TNRC6B: variants seen among roughly 807,000 people sequenced by gnomAD.
The protein encoded by TNRC6B is trinucleotide repeat containing adaptor 6B.
TNRC6B carries 52 observed loss-of-function variants against 203.6 expected under a neutral mutation model. The ratio of observed to expected loss-of-function variants is 0.26; its 90% CI spans 0.20 to 0.32. TNRC6B has a LOEUF of 0.32. Ranked by LOEUF, TNRC6B falls within the 10% of genes least tolerant of loss-of-function variation. The probability of loss-of-function intolerance (pLI) is 1.00; values close to 1 mark genes in which losing one functional copy is unlikely to be tolerated. For missense variants in TNRC6B, 1,923 were observed against 2,286.2 expected (o/e 0.84, Z 3.24); for synonymous variants, 838 against 845.7 (o/e 0.99, Z 0.16).
intron 1 of TNRC6B, among the ~76,000 whole-genome samples, chr22:40,219,577 T>G (rs543750186): frequency 6.6e-6 from 1 of 152,296 alleles, no homozygotes; most frequent in African/African-American, 2.4e-5. Flanking sequence ...TCTTCCCTGC[T>G]GCCTTTGGCT....
Position 40,316,003 on chromosome 22 carries a change from C to T in TNRC6B, c.4965C>T (p.Leu1655=). 6.2e-7 allele frequency: 1 copy of T among 1,613,628 alleles called. No individual in the cohort carries two copies. The highest frequency in any genetic ancestry group is 8.5e-7 in the Non-Finnish European group (1 of 1,179,636). The change falls in exon 21 of 23, where the codon CTC becomes CTT. Residue 1655 remains leucine, a synonymous_variant. Transcript: ENST00000454349. The part of the protein sequence containing the change: ...RPSYWLVLHN[L]TPQIDGSTLR... ...GTTACTGGCTGGTTCTTCACAATCTCACCCCACAGGTAATTATGCTTTCTC... is the reference window on the plus strand; with the variant it reads ...GTTACTGGCTGGTTCTTCACAATCTTACCCCACAGGTAATTATGCTTTCTC...
intron 1 of TNRC6B, among the ~76,000 whole-genome samples, chr22:40,227,339 A>T (rs1294405379): frequency 7.1e-6 from 1 of 141,218 alleles, no homozygotes; most frequent in Non-Finnish European, 1.5e-5. Context: ...GTGAGCTACC[A>T]CACCTAGCCT....
At position 40,251,206 on chromosome 22, in the gene TNRC6B, A is replaced by G; in HGVS notation, c.115+6A>G. ...CACGGAACAAAAAACCAAAGGTAAG[A>G]TCTTTTTTTTCTTTTTAAATTATTT... On this transcript the variant is annotated splice_donor_region_variant and intron_variant, in intron 3 of 22. Transcript: ENST00000454349. The G allele has an allele frequency of 1.3e-6, 2 of 1,530,620 alleles. No homozygotes were observed. Among genetic ancestry groups the G allele is most frequent in the Non-Finnish European group, 1.8e-6 (2 of 1,135,036 alleles). The allele number at this position is 1,530,620 out of a possible 1,614,324, so 94.8% of individuals were successfully genotyped here. A position where few individuals can be genotyped will look rare whatever the true frequency, so the allele number is the denominator to read the frequency against.
chr22:40,255,753 G>A (rs1195944031), intron 3 of TNRC6B, among the ~76,000 whole-genome samples: 1 of 152,218 alleles, frequency 6.6e-6, no homozygotes, highest in African/African-American at 2.4e-5. Context: ...GGTCCATGGA[G>A]GTTGCTCTCT....
chr22:40,112,148 G>A (rs1271615824), intron 1 of TNRC6B, among the ~76,000 whole-genome samples: 1 of 152,078 alleles, frequency 6.6e-6, no homozygotes, highest in African/African-American at 2.4e-5. Context: ...GAGAAAGGGA[G>A]GTGTGGACTC....
intron 2 of TNRC6B, among the ~76,000 whole-genome samples, chr22:40,118,499 C>G (rs1032103209): frequency 6.6e-6 from 1 of 152,182 alleles, no homozygotes; most frequent in African/African-American, 2.4e-5. Context: ...CTCATTCCAG[C>G]ATAACACAGT....
chr22:40,045,912 G>C (rs2067683980), intron 1 of TNRC6B, among the ~76,000 whole-genome samples: 1 of 152,214 alleles, frequency 6.6e-6, no homozygotes, highest in Admixed American at 6.5e-5. Context: ...TGTTTTGGCT[G>C]TTTTATTACT....
chr22:40,310,760 G>A, intron 16 of TNRC6B, 57 bp from the exon 17 acceptor site: 2 of 1,503,114 alleles, frequency 1.3e-6, no homozygotes, highest in Non-Finnish European at 1.8e-6. Flanking sequence ...ATAAAAAATA[G>A]ACAAGTTCTA....
intron 1 of TNRC6B, chr22:40,106,545 A>C: frequency 4.1e-6 from 3 of 734,224 alleles, no homozygotes; most frequent in Non-Finnish European, 7.5e-6. Context: ...CGAGCAATCA[A>C]AGTGTTATCT....
intron 1 of TNRC6B, among the ~76,000 whole-genome samples, chr22:40,211,472 G>A (rs1365161996): frequency 2.0e-5 from 3 of 152,064 alleles, no homozygotes; most frequent in Non-Finnish European, 1.5e-5. Context: ...AACACCACCT[G>A]TATTGAGTAG....
intron 1 of TNRC6B, among the ~76,000 whole-genome samples, chr22:40,076,405 G>C (rs994118299): frequency 6.6e-6 from 1 of 152,094 alleles, no homozygotes; most frequent in African/African-American, 2.4e-5. Context: ...GTAGAGACCT[G>C]GTGGCAATTA....
intron 1 of TNRC6B, among the ~76,000 whole-genome samples, chr22:40,224,335 C>T: frequency 6.6e-6 from 1 of 152,142 alleles, no homozygotes; most frequent in South Asian, 2.1e-4. Flanking sequence ...ACTCTATTCC[C>T]TTATAGAGAA....
intron 1 of TNRC6B, among the ~76,000 whole-genome samples, chr22:40,047,483 A>G (rs113328877): frequency 3.9e-3 from 562 of 145,900 alleles, no homozygotes; most frequent in African/African-American, 0.014. Context: ...GGCGCCTGTA[A>G]TCCCAGCTAC....
At chr22:40,183,248 T>C (rs2069159085) in intron 1 of TNRC6B, among the ~76,000 whole-genome samples, 1 of 152,176 alleles carries the variant, frequency 6.6e-6, no homozygotes, top group Admixed American at 6.5e-5. Context: ...GCTTAGTAAG[T>C]GTTTCCTTCC....
chr22:40,330,545 TAAG>T lies in TNRC6B; in HGVS notation c.*7308_*7310del, dbSNP rs2146592629. 1 of 152,738 alleles carries T rather than the reference TAAG, an allele frequency of 6.5e-6. No homozygotes were observed. The highest frequency in any genetic ancestry group is 1.9e-4 in the East Asian group (1 of 5,192). The allele number at this position is 152,738 out of a possible 1,614,324, so 9.5% of individuals were successfully genotyped here. A position where few individuals can be genotyped will look rare whatever the true frequency, so the allele number is the denominator to read the frequency against. ...CAAAATAAAAACCTTTGGAACCCTT[TAAG>T]AAGTTACATACCTTTTAAAGGTAGT... On this transcript the variant is annotated 3_prime_UTR_variant, in exon 23 of 23. Transcript: ENST00000454349.
At chr22:40,149,500 C>G (rs1242555128) in intron 3 of TNRC6B, among the ~76,000 whole-genome samples, 1 of 151,872 alleles carries the variant, frequency 6.6e-6, no homozygotes, top group Non-Finnish European at 1.5e-5. Context: ...AACCTCGTCT[C>G]TACTAAAAAT....
chr22:40,275,347 C>A (rs1410042167), intron 7 of TNRC6B, among the ~76,000 whole-genome samples: 1 of 152,122 alleles, frequency 6.6e-6, no homozygotes, highest in Non-Finnish European at 1.5e-5. Context: ...CTAATAAATA[C>A]CTCTCTAGGT....
Position 40,082,655 on chromosome 22 carries a change from CAG to C in TNRC6B, c.-120-34394_-120-34393del, listed in dbSNP as rs902171888. ...GATTGGAGGAAGACAAGGCTGGGAA[CAG>C]AGAGACCAATGGGGAAGCTATTGCC... On this transcript the variant is annotated intron_variant, in intron 1 of 23. Coordinates refer to the TNRC6B transcript ENST00000301923. Among the ~76,000 whole-genome samples the C allele has an allele frequency of 3.3e-5, 5 of 152,120 alleles. No individual in the cohort carries two copies. The South Asian group carries it at 6.2e-4, about 19-fold the overall frequency.
At chr22:40,137,941 C>T (rs1464578096) in intron 3 of TNRC6B, among the ~76,000 whole-genome samples, 1 of 151,208 alleles carries the variant, frequency 6.6e-6, no homozygotes, top group African/African-American at 2.4e-5. Context: ...CGAGATCACA[C>T]CACCACACTC....
Sources: gnomAD v4.1 joint callset for allele counts (sites outside exome capture counted in the v4.1 genomes callset) on GRCh38, gnomAD v4.1.1 for gene constraint, MANE v1.5 for transcripts, NCBI Gene and HGNC (gene_info 2026-07-23, HGNC 2026-07-21) for gene names.